TLE4: variants seen among roughly 807,000 people sequenced by gnomAD.
The protein encoded by TLE4 is TLE family member 4, transcriptional corepressor, also known as transducin-like enhancer protein 4.
A neutral mutation model predicts 92.8 loss-of-function variants in TLE4; 8 were observed. The observed-to-expected ratio is 0.09, with a 90% CI of 0.05 to 0.16. TLE4 has a LOEUF of 0.16. TLE4 is among the 10% of genes least tolerant of loss of function. The pLI, the probability that TLE4 is intolerant of heterozygous loss-of-function variation, is 1.00. For missense variants in TLE4, 675 were observed against 997.6 expected (o/e 0.68, Z 4.36); for synonymous variants, 371 against 374.1 (o/e 0.99, Z 0.10).
chr9:79,653,319 C>G (rs1469961266), intron 7 of TLE4, among the ~76,000 whole-genome samples: 1 of 152,192 alleles, frequency 6.6e-6, no homozygotes, highest in East Asian at 1.9e-4. Context: ...TTAACTCTCT[C>G]TCTCACCCAG....
chr9:79,680,177 G>T (rs1161730299), intron 8 of TLE4, among the ~76,000 whole-genome samples: 2 of 151,788 alleles, frequency 1.3e-5, no homozygotes, highest in Non-Finnish European at 2.9e-5. Context: ...GCTTGATGGG[G>T]ATGGCATTGA....
At position 79,574,849 on chromosome 9, in the gene TLE4, T is replaced by C. The variant is rs1445692941; in HGVS notation, c.144-24T>C. The C allele has an allele frequency of 1.9e-6, 3 of 1,601,640 alleles. No homozygotes were observed. In the African/African-American group the frequency reaches 4.0e-5, roughly 21 times the overall value. ...GGATGTAAGTTAAGATCATTGTACT[T>C]AGAGTATCTTATGTCTTGAACAGTC... On this transcript the variant is annotated intron_variant, in intron 2 of 19. Transcript: ENST00000376552.
At chr9:79,581,099 G>C (rs886075591) in intron 4 of TLE4, among the ~76,000 whole-genome samples, 22 of 152,124 alleles carry the variant, frequency 1.4e-4, no homozygotes, top group African/African-American at 5.1e-4. Context: ...CGGAGTGAAG[G>C]GTATTGGTGG....
At position 79,612,690 on chromosome 9, in the gene TLE4, C is replaced by T. The variant is rs753498679; in HGVS notation, c.287C>T (p.Ala96Val). The change falls in exon 5 of 20, where the codon GCA (alanine) becomes GTA (valine). Residue 96 changes from alanine to valine, a missense_variant. Around this residue, in one of 5 missense-constraint regions of TLE4, gnomAD observed 68 missense variants for 141.2 expected, o/e 0.48. Transcript: ENST00000376552. The part of the protein sequence containing the change: ...EIVKRLNAIC[A>V]QVIPFLSQEH... The stretch of plus-strand genomic sequence containing the variant: ...GTCAAGAGGCTGAATGCTATCTGTG[C>T]ACAAGTCATTCCTTTCCTGTCCCAA... The T allele has an allele frequency of 5.0e-6, 8 of 1,613,064 alleles. No individual in the cohort carries two copies. Among genetic ancestry groups the T allele is most frequent in the Non-Finnish European group, 5.9e-6 (7 of 1,179,410 alleles).
chr9:79,635,373 C>A (rs935245166), intron 6 of TLE4, among the ~76,000 whole-genome samples: 5 of 151,400 alleles, frequency 3.3e-5, no homozygotes, highest in African/African-American at 1.2e-4. Context: ...TGTAATTCTC[C>A]CAATCTATAG....
chr9:79,702,550 A>G (rs1396706395), intron 8 of TLE4, among the ~76,000 whole-genome samples: 1 of 152,244 alleles, frequency 6.6e-6, no homozygotes, highest in African/African-American at 2.4e-5. Context: ...ACAAAAGTCA[A>G]GAAGTAGTCC....
intron 6 of TLE4, among the ~76,000 whole-genome samples, chr9:79,636,004 C>A (rs1032102689): frequency 6.6e-6 from 1 of 152,108 alleles, no homozygotes; most frequent in African/African-American, 2.4e-5. Flanking sequence ...TCCATCTCCT[C>A]CTGGTCCAAG....
intron 6 of TLE4, among the ~76,000 whole-genome samples, chr9:79,650,635 A>G (rs1429851010): frequency 6.6e-6 from 1 of 152,188 alleles, no homozygotes; most frequent in Non-Finnish European, 1.5e-5. Flanking sequence ...AATTATGAAC[A>G]TGATTTTGGC....
Position 79,653,990 on chromosome 9 carries a change from C to T in TLE4, c.593-69C>T, listed in dbSNP as rs143125180. On this transcript the variant is annotated intron_variant, in intron 7 of 19. Transcript: ENST00000376552. ...ATAAATCAGTATGATTTTATGTAAACTAACTAGTACTTTTCTTTTCTTCTT... is the reference window on the plus strand; with the variant it reads ...ATAAATCAGTATGATTTTATGTAAATTAACTAGTACTTTTCTTTTCTTCTT... 8.9e-4 allele frequency: 1,365 copies of T among 1,532,028 alleles called. 9 individuals carry two copies. In the African/African-American group the frequency reaches 0.016, roughly 18 times the overall value. The allele number at this position is 1,532,028 out of a possible 1,614,324, so 94.9% of individuals were successfully genotyped here.
chr9:79,641,834 C>CT (rs1208478420), intron 6 of TLE4, among the ~76,000 whole-genome samples: 1 of 152,144 alleles, frequency 6.6e-6, no homozygotes, highest in Non-Finnish European at 1.5e-5. Flanking sequence ...CTCCCACTGA[C>CT]TCTCTCACCT....
chr9:79,635,587 T>C (rs1167898084), intron 6 of TLE4, among the ~76,000 whole-genome samples: 1 of 152,052 alleles, frequency 6.6e-6, no homozygotes, highest in Non-Finnish European at 1.5e-5. Context: ...TTTTTTTTTT[T>C]TCCCACAAGG....
chr9:79,725,166 G>A lies in TLE4; in HGVS notation c.*22G>A, dbSNP rs1422576279. The A allele has an allele frequency of 1.9e-6, 3 of 1,556,058 alleles. No homozygotes were observed. The highest frequency in any genetic ancestry group is 2.2e-5 in the East Asian group (1 of 44,544). ...TTAAAGACAAATCTTCATGCAGACT[G>A]GACTTCTCCTCCTGGTAGCACTTTG... On this transcript the variant is annotated 3_prime_UTR_variant, in exon 20 of 20. Transcript: ENST00000376552.
At chr9:79,626,925 C>T (rs946796837) in intron 5 of TLE4, among the ~76,000 whole-genome samples, 2 of 152,090 alleles carry the variant, frequency 1.3e-5, no homozygotes, top group African/African-American at 2.4e-5. Context: ...CCGGTGTCTT[C>T]GCTAACCGTT....
At position 79,590,045 on chromosome 9, in the gene TLE4, C is replaced by G. The variant is rs530892257; in HGVS notation, c.252+13868C>G. Among the ~76,000 whole-genome samples the G allele has an allele frequency of 2.9e-4, 44 of 152,212 alleles. No homozygotes were observed. The South Asian group carries it at 8.7e-3, about 30-fold the overall frequency. ...CCTGTTTTACTTGGACTTCTTTTCC[C>G]CCAACAAATTTCACTATGCTGCGCT... is the stretch of plus-strand genomic sequence containing the variant. On this transcript the variant is annotated intron_variant, in intron 4 of 19. Coordinates refer to ENST00000376552, the MANE Select transcript of TLE4 (RefSeq NM_007005.6).
At chr9:79,625,019 T>TC (rs1378150350) in intron 5 of TLE4, among the ~76,000 whole-genome samples, 8 of 126,776 alleles carry the variant, frequency 6.3e-5, no homozygotes, top group African/African-American at 1.2e-4. Flanking sequence ...CTTTTCTTTT[T>TC]TTTTTTTTTT....
intron 16 of TLE4, 84 bp downstream of exon 16, chr9:79,720,377 GGTGTGTGTGTGTGT>G (rs71364488): frequency 7.9e-5 from 25 of 316,566 alleles, no homozygotes; most frequent in South Asian, 3.6e-4. Flanking sequence ...TATAGGTATG[GGTGTGTGTGTGTGT>G]GTGTGTGTGT....
chr9:79,700,390 A>G (rs1353643145), intron 8 of TLE4, among the ~76,000 whole-genome samples: 3 of 152,098 alleles, frequency 2.0e-5, no homozygotes, highest in Non-Finnish European at 4.4e-5. Context: ...TTTCTCATAC[A>G]TTGTCATCTT....
chr9:79,575,836 A>G (rs981169141), intron 3 of TLE4: 1 of 257,706 alleles, frequency 3.9e-6, no homozygotes, highest in Non-Finnish European at 7.3e-6. Flanking sequence ...TAGGATACCA[A>G]ATTTTCATCA....
At chr9:79,711,825 G>A (rs1375425875) in intron 14 of TLE4, among the ~76,000 whole-genome samples, 2 of 152,138 alleles carry the variant, frequency 1.3e-5, no homozygotes, top group African/African-American at 4.8e-5. Context: ...GAGGATTGTT[G>A]AGAATTTTTG....
Sources: allele counts gnomAD v4.1 joint callset (sites outside exome capture counted in the v4.1 genomes callset), GRCh38; gene constraint gnomAD v4.1.1; regional missense constraint gnomAD v4.1.1; transcripts MANE v1.5; gene names NCBI Gene and HGNC (gene_info 2026-07-23, HGNC 2026-07-21).